Variants in KLHL3 observed in about 807,000 individuals in gnomAD.
KLHL3 encodes kelch-like protein 3.
KLHL3 carries 19 observed loss-of-function variants against 70.5 expected under a neutral mutation model. That is an observed-to-expected ratio of 0.27 (90% confidence interval 0.19 to 0.40). The LOEUF is 0.40. Ranked by LOEUF, KLHL3 falls within the 10% of genes least tolerant of loss-of-function variation. The probability of loss-of-function intolerance (pLI) is 1.00; values close to 1 mark genes in which losing one functional copy is unlikely to be tolerated. For missense variants in KLHL3, 512 were observed against 771.1 expected (o/e 0.66, Z 3.98); for synonymous variants, 258 against 290.3 (o/e 0.89, Z 1.13).
intron 3 of KLHL3, among the ~76,000 whole-genome samples, chr5:137,708,688 G>A (rs1201724957): frequency 1.3e-5 from 2 of 152,082 alleles, no homozygotes; most frequent in African/African-American, 4.8e-5. Context: ...GGTGATAAAT[G>A]TTATGAAAAG....
chr5:137,678,810 T>C (rs1023332639), intron 5 of KLHL3, among the ~76,000 whole-genome samples: 12 of 152,154 alleles, frequency 7.9e-5, no homozygotes, highest in African/African-American at 2.9e-4. Context: ...ATATTTTCCA[T>C]CTTCCACTGG....
At chr5:137,630,454 C>G (rs964697803) in intron 12 of KLHL3, among the ~76,000 whole-genome samples, 3 of 152,152 alleles carry the variant, frequency 2.0e-5, no homozygotes, top group Non-Finnish European at 4.4e-5. Context: ...TAAGGCAGGT[C>G]TGCCCTCCAA....
chr5:137,661,272 T>C (rs1364471667), intron 7 of KLHL3: 1 of 152,190 alleles, frequency 6.6e-6, no homozygotes, highest in Admixed American at 6.5e-5. Flanking sequence ...AAGGCCTACA[T>C]GTGTAAAAAA....
chr5:137,647,500 T>C, intron 8 of KLHL3: 1 of 470,534 alleles, frequency 2.1e-6, no homozygotes, highest in South Asian at 1.5e-5. Context: ...CTCTACACAC[T>C]TTTTTCATCG....
At chr5:137,689,318 A>T (rs1480727583) in intron 5 of KLHL3, among the ~76,000 whole-genome samples, 1 of 152,200 alleles carries the variant, frequency 6.6e-6, no homozygotes. Flanking sequence ...TGACCCAGCA[A>T]CCCCATTACT....
chr5:137,730,098 C>A (rs1359844094), intron 1 of KLHL3, among the ~76,000 whole-genome samples: 1 of 152,094 alleles, frequency 6.6e-6, no homozygotes, highest in Non-Finnish European at 1.5e-5. Flanking sequence ...ATCTTCAGAA[C>A]AACCCTAGGA....
At chr5:137,663,491 C>T (rs1751538018) in intron 6 of KLHL3, among the ~76,000 whole-genome samples, 2 of 151,148 alleles carry the variant, frequency 1.3e-5, no homozygotes, top group Non-Finnish European at 2.9e-5. Flanking sequence ...CTCCCATATA[C>T]TTTAAATACT....
At chr5:137,693,703 C>T (rs546164803) in intron 4 of KLHL3, among the ~76,000 whole-genome samples, 47 of 152,220 alleles carry the variant, frequency 3.1e-4, no homozygotes, top group African/African-American at 1.1e-3. Context: ...CAAAATAATC[C>T]CCTTGCCCCA....
intron 2 of KLHL3, 33 bp from the exon 3 acceptor site, chr5:137,709,889 T>C (rs925613913): frequency 1.5e-5 from 23 of 1,548,430 alleles, no homozygotes; most frequent in Non-Finnish European, 2.0e-5. Context: ...CAGGATGGGT[T>C]GCAGCAAGGA....
At chr5:137,688,237 C>T (rs960767773) in intron 5 of KLHL3, among the ~76,000 whole-genome samples, 2 of 151,776 alleles carry the variant, frequency 1.3e-5, no homozygotes, top group Non-Finnish European at 2.9e-5. Flanking sequence ...TAGTGGGCTG[C>T]TGAGAAAGCC....
At position 137,619,264 on chromosome 5, in the gene KLHL3, T is replaced by C. The variant is rs1756327981; in HGVS notation, c.*2834A>G. Reference sequence around the variant, plus strand: ...CGGGAACTAGAATTAAGTATTCTTATTGCATAGCAGAAAATGAGGTCAGTT... The same window carrying C: ...CGGGAACTAGAATTAAGTATTCTTACTGCATAGCAGAAAATGAGGTCAGTT... On this transcript the variant is annotated 3_prime_UTR_variant, in exon 15 of 15. Transcript: ENST00000309755. 2 of 152,674 alleles carry C rather than the reference T, an allele frequency of 1.3e-5. No homozygotes were observed. Among genetic ancestry groups the C allele is most frequent in the Admixed American group, 6.5e-5 (1 of 15,292 alleles). 9.5% of individuals were successfully genotyped at this position (152,674 alleles called of 1,614,324 possible).
chr5:137,669,016 TA>T (rs1751683787), intron 6 of KLHL3, among the ~76,000 whole-genome samples: 1 of 152,136 alleles, frequency 6.6e-6, no homozygotes, highest in South Asian at 2.1e-4. Context: ...ACACAACACT[TA>T]AAAGCTCTTT....
chr5:137,630,099 G>A (rs1216263143), intron 12 of KLHL3, among the ~76,000 whole-genome samples: 8 of 152,160 alleles, frequency 5.3e-5, no homozygotes, highest in Non-Finnish European at 2.9e-5. Flanking sequence ...CACCCACCTC[G>A]ACATGCATGT....
intron 6 of KLHL3, among the ~76,000 whole-genome samples, chr5:137,670,189 C>T (rs1280728479): frequency 6.6e-6 from 1 of 152,070 alleles, no homozygotes; most frequent in African/African-American, 2.4e-5. Flanking sequence ...CTGACATCAC[C>T]CAGGTGGTAT....
chr5:137,662,171 C>T (rs1269893955), intron 6 of KLHL3, 140 bp from the exon 7 acceptor site: 1 of 595,776 alleles, frequency 1.7e-6, no homozygotes, highest in Admixed American at 3.0e-5. Context: ...ATCTGAGACT[C>T]ATATTTAAAA....
intron 13 of KLHL3, 151 bp from the exon 14 acceptor site, chr5:137,626,047 C>T: frequency 1.1e-6 from 1 of 893,886 alleles, no homozygotes; most frequent in East Asian, 2.7e-5. Context: ...TTTGAGTTTG[C>T]TAAGTGAAAG....
At chr5:137,718,966 A>G (rs1442029793) in intron 2 of KLHL3, among the ~76,000 whole-genome samples, 1 of 152,252 alleles carries the variant, frequency 6.6e-6, no homozygotes, top group South Asian at 2.1e-4. Flanking sequence ...GTTGAAAAGT[A>G]GTTCAACTCC....
intron 8 of KLHL3, among the ~76,000 whole-genome samples, chr5:137,640,740 C>CT (rs386405072): frequency 6.6e-6 from 1 of 152,032 alleles, no homozygotes; most frequent in Non-Finnish European, 1.5e-5. Flanking sequence ...GCCACCCCCC[C>CT]CAACTCCTGC....
chr5:137,709,213 A>T (rs1417084295), intron 3 of KLHL3, among the ~76,000 whole-genome samples: 2 of 152,034 alleles, frequency 1.3e-5, no homozygotes, highest in African/African-American at 2.4e-5. Flanking sequence ...ACCCACCATC[A>T]TTTTTCCAAA....
Sources: gnomAD v4.1 joint callset for allele counts (sites outside exome capture counted in the v4.1 genomes callset) on GRCh38, gnomAD v4.1.1 for gene constraint, MANE v1.5 for transcripts, NCBI Gene and HGNC (gene_info 2026-07-23, HGNC 2026-07-21) for gene names.